Variants in TNS3 observed in about 807,000 individuals in gnomAD.
TNS3 encodes the protein tensin-3.
Under a neutral mutation model 140.9 loss-of-function variants are expected in TNS3, and 45 were observed. The ratio of observed to expected loss-of-function variants is 0.32; its 90% confidence interval spans 0.25 to 0.41. The LOEUF (loss-of-function observed/expected upper bound fraction) is 0.41. TNS3 is among the 10% of genes least tolerant of loss of function. The probability of loss-of-function intolerance (pLI) is 1.00; values close to 1 mark genes in which losing one functional copy is unlikely to be tolerated. For missense variants in TNS3, 1,716 were observed against 1,906.7 expected (o/e 0.90, Z 1.86); for synonymous variants, 815 against 788.4 (o/e 1.03, Z -0.56).
chr7:47,385,243 A>G (rs1792007251), intron 16 of TNS3, among the ~76,000 whole-genome samples: 1 of 152,150 alleles, frequency 6.6e-6, no homozygotes, highest in African/African-American at 2.4e-5. Context: ...AAGGAGATTC[A>G]CAGCCGGCGA....
At chr7:47,374,639 C>T (rs763760154) in intron 16 of TNS3, among the ~76,000 whole-genome samples, 3 of 152,188 alleles carry the variant, frequency 2.0e-5, no homozygotes, top group Admixed American at 6.5e-5. Context: ...CTGCCAGTCT[C>T]GCCAATGAGA....
chr7:47,454,568 G>T (rs575435363), intron 4 of TNS3, among the ~76,000 whole-genome samples: 4 of 152,084 alleles, frequency 2.6e-5, no homozygotes, highest in South Asian at 4.2e-4. Flanking sequence ...TCCAACTCCC[G>T]CATTTTACAA....
intron 2 of TNS3, among the ~76,000 whole-genome samples, chr7:47,507,343 A>T (rs897477816): frequency 6.6e-6 from 1 of 152,202 alleles, no homozygotes; most frequent in African/African-American, 2.4e-5. Flanking sequence ...TGTGCCCAGA[A>T]ATTATAGCTG....
chr7:47,478,938 T>TACACAC (rs145018052), intron 4 of TNS3, among the ~76,000 whole-genome samples: 44 of 150,256 alleles, frequency 2.9e-4, no homozygotes, highest in African/African-American at 9.8e-4. Context: ...ACACACATAA[T>TACACAC]ACACACACAC....
At chr7:47,360,811 C>T (rs150664093) in intron 17 of TNS3, among the ~76,000 whole-genome samples, 20 of 152,258 alleles carry the variant, frequency 1.3e-4, no homozygotes, top group African/African-American at 4.8e-4. Flanking sequence ...TCTGAGGGCC[C>T]GGCACTGGCA....
At chr7:47,552,373 C>G (rs1261233592) in intron 1 of TNS3, among the ~76,000 whole-genome samples, 1 of 152,158 alleles carries the variant, frequency 6.6e-6, no homozygotes, top group Non-Finnish European at 1.5e-5. Context: ...GCAGACAGAC[C>G]TCGTTTTATT....
chr7:47,523,152 C>T (rs1305044085), intron 2 of TNS3, among the ~76,000 whole-genome samples: 1 of 152,024 alleles, frequency 6.6e-6, no homozygotes, highest in Admixed American at 6.6e-5. Flanking sequence ...ATAGATGGTG[C>T]CTCCTTACTG....
At chr7:47,469,523 C>T (rs540224296) in intron 4 of TNS3, among the ~76,000 whole-genome samples, 180 of 152,316 alleles carry the variant, frequency 1.2e-3, no homozygotes, top group African/African-American at 3.9e-3. Context: ...ACAGAACTAC[C>T]ATTCAACCCA....
intron 17 of TNS3, among the ~76,000 whole-genome samples, chr7:47,360,385 GA>G (rs1217276487): frequency 2.0e-5 from 3 of 152,200 alleles, no homozygotes; most frequent in Admixed American, 2.0e-4. Flanking sequence ...TCCAGAGACT[GA>G]AGCTCACAGA....
chr7:47,339,956 CATATATATAT>C (rs35991026), intron 20 of TNS3, among the ~76,000 whole-genome samples: 46 of 136,510 alleles, frequency 3.4e-4, no homozygotes, highest in African/African-American at 1.1e-3. Flanking sequence ...TTATAAGTGG[CATATATATAT>C]ATATATATAT....
chr7:47,332,959 T>A (rs1345635715), intron 20 of TNS3, among the ~76,000 whole-genome samples: 1 of 152,218 alleles, frequency 6.6e-6, no homozygotes, highest in Non-Finnish European at 1.5e-5. Context: ...AATGAGCTGA[T>A]AAATAAATTT....
chr7:47,401,771 G>A (rs970900383), intron 13 of TNS3, among the ~76,000 whole-genome samples: 2 of 152,238 alleles, frequency 1.3e-5, no homozygotes, highest in African/African-American at 4.8e-5. Flanking sequence ...GGCCACAGCT[G>A]GGGGAGCTGC....
intron 20 of TNS3, among the ~76,000 whole-genome samples, chr7:47,307,986 T>C (rs1180179767): frequency 6.6e-6 from 1 of 152,226 alleles, no homozygotes; most frequent in Admixed American, 6.5e-5. Context: ...AGGAATAGTG[T>C]GTTTGGTGTT....
chr7:47,459,569 G>C (rs1217228533), intron 4 of TNS3, among the ~76,000 whole-genome samples: 3 of 152,106 alleles, frequency 2.0e-5, no homozygotes. Flanking sequence ...CCACTGGAGT[G>C]TCCTAGAATG....
chr7:47,557,390 A>G (rs768522665), intron 1 of TNS3, among the ~76,000 whole-genome samples: 2 of 152,130 alleles, frequency 1.3e-5, no homozygotes, highest in African/African-American at 4.8e-5. Context: ...CAACACTACT[A>G]TTTAACCCAA....
intron 20 of TNS3, among the ~76,000 whole-genome samples, chr7:47,322,679 A>T (rs955475461): frequency 2.6e-5 from 4 of 152,176 alleles, no homozygotes; most frequent in African/African-American, 9.7e-5. Context: ...CATAAAACTG[A>T]GGGGAGTGCC....
chr7:47,361,762 C>G (rs577759242), intron 17 of TNS3, among the ~76,000 whole-genome samples: 2 of 152,184 alleles, frequency 1.3e-5, no homozygotes, highest in Admixed American at 1.3e-4. Flanking sequence ...GAGCAGATGC[C>G]GAGTCTGGGA....
At chr7:47,380,029 G>A (rs1791651287) in intron 16 of TNS3, among the ~76,000 whole-genome samples, 1 of 152,272 alleles carries the variant, frequency 6.6e-6, no homozygotes, top group Admixed American at 6.5e-5. Flanking sequence ...GGAAGGGAAG[G>A]CATCCCACTG....
At position 47,481,721 on chromosome 7, in the gene TNS3, G is replaced by C. The variant is rs570311029; in HGVS notation, c.-114-580C>G. Reference sequence around the variant, plus strand: ...GACTCCACCATAGTCTCTGAAGACCGAGAGCTCCCTGGGAAAGATAAAGAA... The same window carrying C: ...GACTCCACCATAGTCTCTGAAGACCCAGAGCTCCCTGGGAAAGATAAAGAA... On this transcript the variant is annotated intron_variant, in intron 3 of 30. Transcript: ENST00000311160. 6 of 985,300 alleles carry C rather than the reference G, an allele frequency of 6.1e-6. No individual in the cohort carries two copies. The South Asian group carries it at 2.3e-4, about 39-fold the overall frequency. The allele number at this position is 985,300 out of a possible 1,614,324, so 61.0% of individuals were successfully genotyped here.
Sources: allele counts gnomAD v4.1 joint callset (sites outside exome capture counted in the v4.1 genomes callset), GRCh38; gene constraint gnomAD v4.1.1; transcripts MANE v1.5; gene names NCBI Gene and HGNC (gene_info 2026-07-23, HGNC 2026-07-21).